COL5A1: variants seen among roughly 807,000 people sequenced by gnomAD.
The protein encoded by COL5A1 is collagen type V alpha 1 chain.
COL5A1 carries 16 observed loss-of-function variants against 263.7 expected under a neutral mutation model. The ratio of observed to expected loss-of-function variants is 0.06; its 90% CI spans 0.04 to 0.09. The LOEUF (loss-of-function observed/expected upper bound fraction) is 0.09, where lower values mean the gene tolerates loss of function less well. COL5A1 is among the 10% of genes least tolerant of loss of function. COL5A1 has a pLI of 1.00. For synonymous variants in COL5A1, 1,012 were observed against 1,004.5 expected (o/e 1.01, Z -0.14); for missense variants, 2,036 against 2,540.5 (o/e 0.80, Z 4.27).
chr9:134,771,895 C>G (rs1181561502), intron 25 of COL5A1, among the ~76,000 whole-genome samples: 1 of 152,188 alleles, frequency 6.6e-6, no homozygotes, highest in African/African-American at 2.4e-5. Context: ...CATTGATGAT[C>G]TTTCTGCTTT....
Position 134,682,825 on chromosome 9 carries a change from G to A in COL5A1, c.110-8087G>A, listed in dbSNP as rs1213620191. ...AAAAAGGAGCAGGCTCTGATGGATC[G>A]CAAATGCCCAGCCTTTGGGAGCGGG... On this transcript the variant is annotated intron_variant, in intron 1 of 65. Transcript: ENST00000371817. This position sits in a 1 kb window ranked among gnomAD's most constrained non-coding sequence, Gnocchi z 5.1. Among the ~76,000 whole-genome samples the A allele has an allele frequency of 1.3e-5, 2 of 152,222 alleles. No homozygotes were observed. The highest frequency in any genetic ancestry group is 2.4e-5 in the African/African-American group (1 of 41,456).
chr9:134,766,591 A>G lies in COL5A1; in HGVS notation c.2133+93A>G, dbSNP rs1232430999. ...AGGGAGGTCCATCGCTGTCCACATC[A>G]GCTGGGAACATGAAGGGCAGGTTGC... On this transcript the variant is annotated intron_variant, in intron 22 of 65. Transcript: ENST00000371817. 2.3e-6 allele frequency: 3 copies of G among 1,328,888 alleles called. No individual in the cohort carries two copies. The East Asian group carries it at 7.1e-5, about 31-fold the overall frequency. The allele number at this position is 1,328,888 out of a possible 1,614,324, so 82.3% of individuals were successfully genotyped here.
intron 2 of COL5A1, among the ~76,000 whole-genome samples, chr9:134,693,618 G>A (rs529496007): frequency 6.6e-6 from 1 of 152,184 alleles, no homozygotes; most frequent in Non-Finnish European, 1.5e-5. Context: ...AGGTCCCAAG[G>A]GACACTGTTG....
chr9:134,648,702 G>A (rs555827911), intron 1 of COL5A1, among the ~76,000 whole-genome samples: 1 of 152,304 alleles, frequency 6.6e-6, no homozygotes, highest in East Asian at 1.9e-4. Flanking sequence ...CCCTCTACTC[G>A]CTGGCCTGTG....
At chr9:134,732,879 C>T (rs557980972) in intron 9 of COL5A1, among the ~76,000 whole-genome samples, 2 of 152,326 alleles carry the variant, frequency 1.3e-5, no homozygotes, top group South Asian at 2.1e-4. Flanking sequence ...CTCCAGTTCT[C>T]CCTGGGGTCT....
intron 26 of COL5A1, among the ~76,000 whole-genome samples, chr9:134,773,767 GGCCTGCTGGGCA>G (rs1392588406): frequency 2.0e-5 from 3 of 152,212 alleles, no homozygotes; most frequent in Non-Finnish European, 4.4e-5. Context: ...TCCAGTGCCA[GGCCTGCTGGGCA>G]GTGGCACTTC....
rs2132533874 is a variant in COL5A1 at position 134,682,884 on chromosome 9, A to G, written c.110-8028A>G. Reference sequence around the variant, plus strand: ...CCAGCACATCATCCGGTGGGGACAGACAGCCTGGGCTTCAAAGGCAGCCGA... The same window carrying G: ...CCAGCACATCATCCGGTGGGGACAGGCAGCCTGGGCTTCAAAGGCAGCCGA... On this transcript the variant is annotated intron_variant, in intron 1 of 65. Coordinates refer to ENST00000371817, the MANE Select transcript of COL5A1 (RefSeq NM_000093.5). The surrounding 1 kb of genome is among the most constrained non-coding windows in gnomAD (Gnocchi z 5.1). 6.6e-6 allele frequency among the ~76,000 whole-genome samples: 1 copy of G among 152,310 alleles called. No homozygotes were observed. The highest frequency in any genetic ancestry group is 2.1e-4 in the South Asian group (1 of 4,822).
intron 11 of COL5A1, among the ~76,000 whole-genome samples, chr9:134,739,356 G>A (rs865807460): frequency 6.6e-6 from 1 of 152,246 alleles, no homozygotes; most frequent in Non-Finnish European, 1.5e-5. Context: ...GTGTCCGGCG[G>A]GGCGGGAGTT....
intron 6 of COL5A1, 142 bp downstream of exon 6, chr9:134,728,949 C>A: frequency 9.4e-7 from 1 of 1,060,026 alleles, no homozygotes; most frequent in Non-Finnish European, 1.4e-6. Context: ...AGTGAGGGAG[C>A]CGGCTGTTGC....
At position 134,754,035 on chromosome 9, in the gene COL5A1, C is replaced by T. The variant is rs534831790; in HGVS notation, c.1773+132C>T. 6 of 896,780 alleles carry T rather than the reference C, an allele frequency of 6.7e-6. No individual in the cohort carries two copies. The East Asian group carries it at 1.0e-4, about 15-fold the overall frequency. The allele number at this position is 896,780 out of a possible 1,614,324, so 55.6% of individuals were successfully genotyped here. On this transcript the variant is annotated intron_variant, in intron 15 of 65. Transcript: ENST00000371817. This position sits in a 1 kb window ranked among gnomAD's most constrained non-coding sequence, Gnocchi z 4.3. ...TCGTGGGAATTGTCCTTGCTTTACG[C>T]AGTGCTGAGGGTGGAGCACAATGAA...
In COL5A1 at chr9:134,664,737, G is replaced by A. The variant is rs1419532072; in HGVS notation, c.109+22441G>A. Among the ~76,000 whole-genome samples the A allele has an allele frequency of 3.9e-5, 6 of 152,228 alleles. No homozygotes were observed. The East Asian group carries it at 1.2e-3, about 29-fold the overall frequency. On this transcript the variant is annotated intron_variant, in intron 1 of 65. Transcript: ENST00000371817. Reference sequence around the variant, plus strand: ...TGTTCCCATGGTGCCTTCTCTGAAAGGCATTTGGCAATATCTATCCAAGCA... The same window carrying A: ...TGTTCCCATGGTGCCTTCTCTGAAAAGCATTTGGCAATATCTATCCAAGCA...
intron 12 of COL5A1, 74 bp downstream of exon 12, chr9:134,750,690 G>A: frequency 6.3e-7 from 1 of 1,596,194 alleles, no homozygotes. Context: ...CTCTGAGGCT[G>A]CGCTGTCACT....
chr9:134,783,579 C>T (rs1837340809), intron 29 of COL5A1, among the ~76,000 whole-genome samples: 1 of 152,168 alleles, frequency 6.6e-6, no homozygotes, highest in Non-Finnish European at 1.5e-5. Flanking sequence ...GCTGTGCACG[C>T]ACCGGGACGG....
At chr9:134,839,687 C>A (rs184379529) in intron 65 of COL5A1, among the ~76,000 whole-genome samples, 219 of 152,316 alleles carry the variant, frequency 1.4e-3, no homozygotes, top group African/African-American at 5.1e-3. Context: ...GGAGCAGAGG[C>A]CGGAGGAGAG....
Position 134,824,749 on chromosome 9 carries a change from C to T in COL5A1, c.4848C>T (p.Asn1616=). The change falls in exon 62 of 66, where the codon AAC becomes AAT. Residue 1616 remains asparagine (N), a synonymous_variant. Coordinates refer to ENST00000371817, the MANE Select transcript of COL5A1 (RefSeq NM_000093.5). ...DGMEEIFGSL[N]SLKLEIEQMK... is the part of the protein sequence containing the mutation. ...TGGAAGAGATCTTCGGCTCTCTCAA[C>T]TCTCTGAAGCTGGAGATTGAGCAGA... 6.2e-7 allele frequency: 1 copy of T among 1,614,220 alleles called. No individual in the cohort carries two copies. Among genetic ancestry groups the T allele is most frequent in the Non-Finnish European group, 8.5e-7 (1 of 1,180,042 alleles).
intron 11 of COL5A1, among the ~76,000 whole-genome samples, chr9:134,743,680 T>C (rs1835371366): frequency 6.6e-6 from 1 of 152,162 alleles, no homozygotes; most frequent in Non-Finnish European, 1.5e-5. Context: ...AATGACCCCA[T>C]TATGTGCAGA....
At chr9:134,658,677 T>C (rs80333105) in intron 1 of COL5A1, among the ~76,000 whole-genome samples, 2,519 of 152,174 alleles carry the variant, frequency 0.017, 72 homozygotes, top group African/African-American at 0.056. Flanking sequence ...GACGCCCCTC[T>C]TGTACCCTGC....
At chr9:134,703,613 C>T (rs77317323) in intron 4 of COL5A1, among the ~76,000 whole-genome samples, 2,933 of 148,812 alleles carry the variant, frequency 0.02, 68 homozygotes, top group East Asian at 0.095. Context: ...TGGGAGGCCA[C>T]GCGGTGGCCT....
intron 4 of COL5A1, among the ~76,000 whole-genome samples, chr9:134,710,835 GGTGCAGTGGTGGGGGAGGGGCCCCATTTA>G: frequency 7.3e-6 from 1 of 136,554 alleles, no homozygotes. Flanking sequence ...CCATCTGTTG[GGTGCAGTGGTGGGGGAGGGGCCCCATTTA>G]GTGCAGTGGT....
Sources: allele counts gnomAD v4.1 joint callset (sites outside exome capture counted in the v4.1 genomes callset), GRCh38; gene constraint gnomAD v4.1.1; non-coding constraint Gnocchi (gnomAD v3.1); transcripts MANE v1.5; gene names NCBI Gene and HGNC (gene_info 2026-07-23, HGNC 2026-07-21).